The following ARHGAP20 variants were observed in gnomAD, a reference collection of about 807,000 sequenced individuals.
The protein encoded by ARHGAP20 is Rho GTPase activating protein 20, also known as rho GTPase-activating protein 20.
Under a neutral mutation model 73.7 loss-of-function variants are expected in ARHGAP20, and 34 were observed. The ratio of observed to expected loss-of-function variants is 0.46; its 90% CI spans 0.35 to 0.61. The LOEUF is 0.61. Ranked by LOEUF, ARHGAP20 falls within the 20% of genes least tolerant of loss-of-function variation. ARHGAP20 has a pLI of 0.00. For synonymous variants in ARHGAP20, 523 were observed against 518.2 expected (o/e 1.01, Z -0.13); for missense variants, 1,314 against 1,420.9 (o/e 0.92, Z 1.21).
chr11:110,620,937 G>A (rs772343741), intron 4 of ARHGAP20, among the ~76,000 whole-genome samples: 2 of 151,846 alleles, frequency 1.3e-5, no homozygotes, highest in African/African-American at 4.8e-5. Context: ...AGCTGGGCGC[G>A]GTGGTGTGCA....
Position 110,580,758 on chromosome 11 carries a change from T to C in ARHGAP20, c.2188A>G (p.Ser730Gly). The C allele has an allele frequency of 6.2e-7, 1 of 1,614,176 alleles. No homozygotes were observed. Among genetic ancestry groups the C allele is most frequent in the East Asian group, 2.2e-5 (1 of 44,872 alleles). ...EFYQKKLRKS[S>G]CDAILSQKDE... The stretch of plus-strand genomic sequence containing the variant: ...TTTTGAGAAAGAATTGCATCACAGC[T>C]GGACTTGCGTAGCTTTTTCTGATAA... The change falls in exon 15 of 15, where the codon AGC (serine) becomes GGC (glycine). Residue 730 changes from serine to glycine, a missense_variant. Around this residue, in one of 3 missense-constraint regions of ARHGAP20, gnomAD observed 641 missense variants for 636.9 expected, o/e 1.01. Transcript: ENST00000683387.
intron 2 of ARHGAP20, among the ~76,000 whole-genome samples, chr11:110,634,443 C>T (rs1432369632): frequency 6.6e-6 from 1 of 152,066 alleles, no homozygotes; most frequent in African/African-American, 2.4e-5. Context: ...AAATATACTG[C>T]TACTAAGGTG....
At chr11:110,646,418 A>G (rs1205238850) in intron 2 of ARHGAP20, among the ~76,000 whole-genome samples, 2 of 152,180 alleles carry the variant, frequency 1.3e-5, no homozygotes, top group Non-Finnish European at 1.5e-5. Flanking sequence ...CACATAATGA[A>G]TAATTGCTTT....
At chr11:110,697,239 G>A (rs932454448) in intron 1 of ARHGAP20, among the ~76,000 whole-genome samples, 2 of 151,380 alleles carry the variant, frequency 1.3e-5, no homozygotes, top group South Asian at 2.1e-4. Flanking sequence ...CCACATCCAT[G>A]CCAACAACTT....
chr11:110,648,128 A>C (rs1949237515), intron 2 of ARHGAP20, among the ~76,000 whole-genome samples: 1 of 145,874 alleles, frequency 6.9e-6, no homozygotes, highest in Non-Finnish European at 1.5e-5. Flanking sequence ...TTTTTACCAA[A>C]CCCAAACTCG....
intron 2 of ARHGAP20, among the ~76,000 whole-genome samples, chr11:110,648,223 A>G (rs28433644): frequency 0.021 from 810 of 38,466 alleles, 9 homozygotes; most frequent in East Asian, 0.17. Flanking sequence ...ATATATATGT[A>G]TATATATATA....
At position 110,712,268 on chromosome 11, in the gene ARHGAP20, G is replaced by A. The variant is rs1950682373; in HGVS notation, c.-37C>T. ...TCAAACAAATCCCAGCCCAGGAGGA[G>A]GCTACACGATCATGTCCGCGGGCTG... On this transcript the variant is annotated 5_prime_UTR_variant, in exon 1 of 15. Coordinates refer to ENST00000683387, the MANE Select transcript of ARHGAP20 (RefSeq NM_001384657.1). 2 of 1,296,806 alleles carry A rather than the reference G, an allele frequency of 1.5e-6. No homozygotes were observed. Among genetic ancestry groups the A allele is most frequent in the Non-Finnish European group, 2.0e-6 (2 of 1,013,670 alleles). The allele number at this position is 1,296,806 out of a possible 1,614,324, so 80.3% of individuals were successfully genotyped here. A position where few individuals can be genotyped will look rare whatever the true frequency, so the allele number is the denominator to read the frequency against.
chr11:110,711,783 T>C (rs1037135785), intron 1 of ARHGAP20: 44 of 1,351,820 alleles, frequency 3.3e-5, no homozygotes, highest in Non-Finnish European at 4.0e-5. Context: ...CGGCGAGGGG[T>C]CGGGGAAAGG....
At chr11:110,696,805 T>C (rs1950345302) in intron 1 of ARHGAP20, among the ~76,000 whole-genome samples, 1 of 151,764 alleles carries the variant, frequency 6.6e-6, no homozygotes, top group Admixed American at 6.6e-5. Flanking sequence ...ATCCCACTTA[T>C]TAGTGAGAAT....
intron 2 of ARHGAP20, among the ~76,000 whole-genome samples, chr11:110,671,985 T>C (rs1337125022): frequency 3.9e-5 from 6 of 152,114 alleles, no homozygotes; most frequent in East Asian, 1.9e-4. Context: ...TGGATATCCA[T>C]AGGAAAAATA....
At chr11:110,687,297 C>T (rs889422455) in intron 2 of ARHGAP20, among the ~76,000 whole-genome samples, 1 of 151,852 alleles carries the variant, frequency 6.6e-6, no homozygotes, top group African/African-American at 2.4e-5. Flanking sequence ...CTCCTCCCAC[C>T]CTGGCATACC....
chr11:110,661,450 T>G lies in ARHGAP20; in HGVS notation c.188+29097A>C, dbSNP rs539146534. Reference sequence around the variant, plus strand: ...TACTGTAATTCTGACATAAAAATATTATCTGGGTACAAATGCCCAGTTTAA... The same window carrying G: ...TACTGTAATTCTGACATAAAAATATGATCTGGGTACAAATGCCCAGTTTAA... On this transcript the variant is annotated intron_variant, in intron 2 of 14. Coordinates refer to ENST00000683387, the MANE Select transcript of ARHGAP20 (RefSeq NM_001384657.1). Among the ~76,000 whole-genome samples the G allele has an allele frequency of 6.6e-5, 10 of 152,132 alleles. No homozygotes were observed. In the South Asian group the frequency reaches 1.9e-3, roughly 28 times the overall value.
intron 2 of ARHGAP20, among the ~76,000 whole-genome samples, chr11:110,689,610 A>G (rs1950203335): frequency 1.3e-5 from 2 of 152,192 alleles, no homozygotes; most frequent in Non-Finnish European, 2.9e-5. Flanking sequence ...TACAGTAGGT[A>G]GCTAGTCAGG....
At chr11:110,648,162 T>C (rs1949240409) in intron 2 of ARHGAP20, among the ~76,000 whole-genome samples, 2 of 80,538 alleles carry the variant, frequency 2.5e-5, no homozygotes, top group African/African-American at 8.6e-5. Context: ...ATAATATATA[T>C]ATATATGTAA....
At chr11:110,590,174 T>G (rs1947788619) in intron 11 of ARHGAP20, among the ~76,000 whole-genome samples, 1 of 152,060 alleles carries the variant, frequency 6.6e-6, no homozygotes, top group African/African-American at 2.4e-5. Flanking sequence ...AAATGGAATT[T>G]TCAGTGATCT....
chr11:110,683,539 A>G (rs957497150), intron 2 of ARHGAP20, among the ~76,000 whole-genome samples: 12 of 152,194 alleles, frequency 7.9e-5, no homozygotes, highest in African/African-American at 2.9e-4. Context: ...CTGAACAGCA[A>G]GTATGTACAA....
At chr11:110,620,380 C>A (rs986311051) in intron 4 of ARHGAP20, among the ~76,000 whole-genome samples, 2 of 152,032 alleles carry the variant, frequency 1.3e-5, no homozygotes, top group Non-Finnish European at 2.9e-5. Flanking sequence ...CAAACTCCCC[C>A]CCTCAAGTGA....
chr11:110,677,560 GC>G (rs1418812553), intron 2 of ARHGAP20, among the ~76,000 whole-genome samples: 1 of 152,088 alleles, frequency 6.6e-6, no homozygotes, highest in Non-Finnish European at 1.5e-5. Context: ...TGGGAAGATT[GC>G]TTGAGCCCAG....
At chr11:110,589,069 C>T (rs1488682316) in intron 11 of ARHGAP20, among the ~76,000 whole-genome samples, 1 of 151,302 alleles carries the variant, frequency 6.6e-6, no homozygotes, top group Non-Finnish European at 1.5e-5. Flanking sequence ...GAGACCCCGA[C>T]TGAAAAAAAC....
Sources: allele counts gnomAD v4.1 joint callset (sites outside exome capture counted in the v4.1 genomes callset), GRCh38; gene constraint gnomAD v4.1.1; regional missense constraint gnomAD v4.1.1; transcripts MANE v1.5; gene names NCBI Gene and HGNC (gene_info 2026-07-23, HGNC 2026-07-21).